Variants in IL19 observed in about 807,000 individuals in gnomAD.
IL19 encodes the protein interleukin-19.
IL19 carries 15 observed loss-of-function variants against 19.5 expected under a neutral mutation model. The ratio of observed to expected loss-of-function variants is 0.77; its 90% CI spans 0.52 to 1.19. The LOEUF (loss-of-function observed/expected upper bound fraction) is 1.19, where lower values mean the gene tolerates loss of function less well. Among genes scored for constraint, IL19 ranks in the 50% most tolerant of loss-of-function variants. IL19 has a pLI of 0.00. For missense variants in IL19, 199 were observed against 213.1 expected, an observed-to-expected ratio of 0.93 and a Z score of 0.41; for synonymous variants, 78 against 78.3, an observed-to-expected ratio of 1.00 and a Z score of 0.02.
chr1:206,812,372 T>A (rs1676037255), intron 2 of IL19, among the ~76,000 whole-genome samples: 1 of 152,208 alleles, frequency 6.6e-6, no homozygotes, highest in Non-Finnish European at 1.5e-5. Context: ...AATACATCAA[T>A]GTCCCATTGG....
At chr1:206,836,930 A>G in intron 3 of IL19, 28 bp from the exon 4 acceptor site, 6 of 1,608,994 alleles carry the variant, frequency 3.7e-6, no homozygotes, top group Non-Finnish European at 5.1e-6. Context: ...CCGATTGCTT[A>G]TGTCTGTTCT....
Position 206,770,804 on chromosome 1 carries a change from G to A in IL19, c.-423G>A. On this transcript the variant is annotated 5_prime_UTR_variant, in exon 1 of 7. Coordinates refer to ENST00000659997, the MANE Select transcript of IL19 (RefSeq NM_153758.5). ...TCCTCATTTACAGCTAGCTCTGCCA[G>A]TCTGTGTCTTTGCTGTGTCTGTGGA... 1.8e-6 allele frequency: 2 copies of A among 1,121,454 alleles called. No individual in the cohort carries two copies. The highest frequency in any genetic ancestry group is 2.7e-6 in the Non-Finnish European group (2 of 729,848). The allele number at this position is 1,121,454 out of a possible 1,614,324, so 69.5% of individuals were successfully genotyped here. A position where few individuals can be genotyped will look rare whatever the true frequency, so the allele number is the denominator to read the frequency against.
intron 1 of IL19, among the ~76,000 whole-genome samples, chr1:206,794,524 C>A (rs1675475561): frequency 6.6e-6 from 1 of 152,136 alleles, no homozygotes; most frequent in Non-Finnish European, 1.5e-5. Context: ...TATGGTTGGC[C>A]CCGGGTCCTC....
intron 2 of IL19, among the ~76,000 whole-genome samples, chr1:206,814,690 T>TCACACACACACACA (rs34474731): frequency 2.8e-5 from 4 of 140,570 alleles, no homozygotes; most frequent in East Asian, 2.1e-4. Flanking sequence ...TGAAACTCTG[T>TCACACACACACACA]CACACACACA....
chr1:206,836,502 A>G (rs1440590501), intron 2 of IL19, among the ~76,000 whole-genome samples, 159 bp from the exon 3 acceptor site: 1 of 152,170 alleles, frequency 6.6e-6, no homozygotes, highest in African/African-American at 2.4e-5. Flanking sequence ...CAGAGGAGAT[A>G]CATACCCCTG....
At chr1:206,804,027 C>G (rs1675781546) in intron 2 of IL19, among the ~76,000 whole-genome samples, 1 of 152,222 alleles carries the variant, frequency 6.6e-6, no homozygotes, top group South Asian at 2.1e-4. Flanking sequence ...TCTCTTCGCC[C>G]TGTCTCTTCC....
At chr1:206,796,704 C>G (rs181869267) in intron 1 of IL19, among the ~76,000 whole-genome samples, 1 of 152,224 alleles carries the variant, frequency 6.6e-6, no homozygotes, top group Admixed American at 6.5e-5. Flanking sequence ...ATAGGCCTTA[C>G]TGTATGGCCT....
intron 2 of IL19, among the ~76,000 whole-genome samples, chr1:206,813,684 T>C (rs1390922476): frequency 3.3e-5 from 5 of 152,246 alleles, no homozygotes; most frequent in Admixed American, 1.3e-4. Context: ...TAGAGTTCTC[T>C]TTTAACTTTT....
At chr1:206,803,629 C>A (rs1675773350) in intron 2 of IL19, among the ~76,000 whole-genome samples, 1 of 152,144 alleles carries the variant, frequency 6.6e-6, no homozygotes, top group South Asian at 2.1e-4. Flanking sequence ...GATTATTCCC[C>A]TGGGGGCTGA....
intron 1 of IL19, among the ~76,000 whole-genome samples, chr1:206,790,359 T>A (rs377054791): frequency 6.6e-6 from 1 of 152,114 alleles, no homozygotes; most frequent in Admixed American, 6.5e-5. Flanking sequence ...CTGAGCCCCA[T>A]GGCACGTTCT....
chr1:206,839,208 C>G (rs1241472473), intron 4 of IL19, among the ~76,000 whole-genome samples: 1 of 152,212 alleles, frequency 6.6e-6, no homozygotes, highest in Non-Finnish European at 1.5e-5. Context: ...CAGACCTACC[C>G]AAATATGCCC....
intron 1 of IL19, among the ~76,000 whole-genome samples, chr1:206,788,913 G>C (rs747089560): frequency 6.6e-6 from 1 of 152,194 alleles, no homozygotes; most frequent in South Asian, 2.1e-4. Flanking sequence ...TCTCTGTTGT[G>C]TGGTGCCTGT....
At chr1:206,792,389 T>A (rs1256078726) in intron 1 of IL19, among the ~76,000 whole-genome samples, 2 of 152,022 alleles carry the variant, frequency 1.3e-5, no homozygotes, top group Non-Finnish European at 2.9e-5. Flanking sequence ...CTAGAAAAAA[T>A]TGTGTAATGA....
At chr1:206,804,537 T>C (rs1203521657) in intron 2 of IL19, among the ~76,000 whole-genome samples, 2 of 152,140 alleles carry the variant, frequency 1.3e-5, no homozygotes, top group African/African-American at 4.8e-5. Flanking sequence ...ATTGTGTGAG[T>C]CATAGGCTGT....
intron 2 of IL19, among the ~76,000 whole-genome samples, chr1:206,818,471 A>G (rs541307400): frequency 6.6e-6 from 1 of 152,358 alleles, no homozygotes; most frequent in South Asian, 2.1e-4. Flanking sequence ...TATTTACATA[A>G]TATACTAGAA....
In IL19 at chr1:206,834,503, T is replaced by G. The variant is rs1024966439; in HGVS notation, c.-2-2158T>G. 3 of 926,084 alleles carry G rather than the reference T, an allele frequency of 3.2e-6. No individual in the cohort carries two copies. In the African/African-American group the frequency reaches 5.4e-5, roughly 17 times the overall value. The allele number at this position is 926,084 out of a possible 1,614,324, so 57.4% of individuals were successfully genotyped here. A position where few individuals can be genotyped will look rare whatever the true frequency, so the allele number is the denominator to read the frequency against. ...GTGACCTGTTACCATTGTGTATGGCTATGATGTTCCAGATGCTGGGCATTT... is the reference window on the plus strand; with the variant it reads ...GTGACCTGTTACCATTGTGTATGGCGATGATGTTCCAGATGCTGGGCATTT... On this transcript the variant is annotated intron_variant, in intron 2 of 6. Transcript: ENST00000659997.
chr1:206,771,315 T>A, intron 1 of IL19: 2 of 1,564,218 alleles, frequency 1.3e-6, no homozygotes, highest in African/African-American at 2.7e-5. Flanking sequence ...CTTCCCTTAA[T>A]CATGCTGCAC....
chr1:206,802,234 C>T (rs1675731040), intron 2 of IL19, among the ~76,000 whole-genome samples: 2 of 152,168 alleles, frequency 1.3e-5, no homozygotes, highest in African/African-American at 2.4e-5. Context: ...TTCCATTAGA[C>T]TTTAAAACAC....
chr1:206,824,701 T>A (rs1341883266), intron 2 of IL19, among the ~76,000 whole-genome samples: 1 of 152,214 alleles, frequency 6.6e-6, no homozygotes, highest in Admixed American at 6.5e-5. Flanking sequence ...CACAGAGAGA[T>A]TAATTCATTT....
Sources: allele counts gnomAD v4.1 joint callset (sites outside exome capture counted in the v4.1 genomes callset), GRCh38; gene constraint gnomAD v4.1.1; transcripts MANE v1.5; gene names NCBI Gene and HGNC (gene_info 2026-07-23, HGNC 2026-07-21).